BMPR1B: variants seen among roughly 807,000 people sequenced by gnomAD.
BMPR1B encodes bone morphogenetic protein receptor type-1B.
Under a neutral mutation model 59.1 loss-of-function variants are expected in BMPR1B, and 12 were observed. The observed-to-expected ratio is 0.20, with a 90% CI of 0.13 to 0.33. BMPR1B has a LOEUF of 0.33. BMPR1B is among the 10% of genes least tolerant of loss of function. BMPR1B has a pLI of 1.00. For synonymous variants in BMPR1B, 237 were observed against 207.3 expected, an observed-to-expected ratio of 1.14 and a Z score of -1.23; for missense variants, 550 against 610.9, an observed-to-expected ratio of 0.90 and a Z score of 1.05.
chr4:94,915,112 A>C (rs1436306725), intron 2 of BMPR1B, among the ~76,000 whole-genome samples: 1 of 152,178 alleles, frequency 6.6e-6, no homozygotes, highest in Non-Finnish European at 1.5e-5. Flanking sequence ...GACAGGTACC[A>C]ATAATAAATG....
intron 3 of BMPR1B, among the ~76,000 whole-genome samples, chr4:95,091,242 CTTTTTCTTTTCTTTCTT>C (rs1375745850): frequency 2.0e-5 from 3 of 151,564 alleles, no homozygotes; most frequent in South Asian, 2.1e-4. Context: ...ATTCTTTTTC[CTTTTTCTTTTCTTTCTT>C]TTTTTCTTTT....
chr4:94,967,830 G>T (rs1345739698), intron 2 of BMPR1B, among the ~76,000 whole-genome samples: 1 of 151,872 alleles, frequency 6.6e-6, no homozygotes, highest in Non-Finnish European at 1.5e-5. Context: ...ACGTGAAAGA[G>T]ATTTTTTTTC....
chr4:94,788,608 G>C (rs1159484191), intron 1 of BMPR1B, among the ~76,000 whole-genome samples: 2 of 152,084 alleles, frequency 1.3e-5, no homozygotes, highest in South Asian at 4.2e-4. Context: ...AGGACCAGCT[G>C]CAAAAGGCAC....
chr4:94,977,805 G>A (rs1001615776), intron 2 of BMPR1B, among the ~76,000 whole-genome samples: 4 of 152,104 alleles, frequency 2.6e-5, no homozygotes, highest in South Asian at 2.1e-4. Context: ...TGTGGTGAGC[G>A]GAGATTGCAC....
intron 2 of BMPR1B, among the ~76,000 whole-genome samples, chr4:94,946,937 T>A (rs900707256): frequency 2.0e-5 from 3 of 151,900 alleles, no homozygotes; most frequent in African/African-American, 7.3e-5. Flanking sequence ...CTGTGGCCCC[T>A]GCTACCCGGG....
At chr4:94,764,330 A>C (rs993270032) in intron 1 of BMPR1B, among the ~76,000 whole-genome samples, 1 of 152,160 alleles carries the variant, frequency 6.6e-6, no homozygotes, top group African/African-American at 2.4e-5. Context: ...TTGTGAGATC[A>C]GTTTGGGCTG....
At chr4:94,847,048 T>G (rs1189421912) in intron 1 of BMPR1B, among the ~76,000 whole-genome samples, 1 of 152,050 alleles carries the variant, frequency 6.6e-6, no homozygotes, top group Non-Finnish European at 1.5e-5. Context: ...TAACTACCCA[T>G]CTGACAAGGA....
chr4:94,809,491 A>G (rs937417154), intron 1 of BMPR1B, among the ~76,000 whole-genome samples: 11 of 152,204 alleles, frequency 7.2e-5, no homozygotes, highest in African/African-American at 2.7e-4. Flanking sequence ...AGATTATATC[A>G]CTTTCAGATA....
At chr4:94,970,588 C>CA in intron 2 of BMPR1B, among the ~76,000 whole-genome samples, 1 of 152,180 alleles carries the variant, frequency 6.6e-6, no homozygotes, top group East Asian at 1.9e-4. Flanking sequence ...ACTGGGATTA[C>CA]AGGCATGAAC....
At chr4:94,948,284 C>G (rs539956675) in intron 2 of BMPR1B, among the ~76,000 whole-genome samples, 56 of 152,250 alleles carry the variant, frequency 3.7e-4, no homozygotes, top group African/African-American at 1.2e-3. Context: ...ACCAGAATCC[C>G]TTTGAGAAGC....
intron 2 of BMPR1B, among the ~76,000 whole-genome samples, chr4:94,957,306 G>A (rs1483417557): frequency 2.3e-5 from 3 of 130,018 alleles, no homozygotes; most frequent in Non-Finnish European, 3.2e-5. Flanking sequence ...GACACACTGT[G>A]TACAGAGAGT....
intron 2 of BMPR1B, among the ~76,000 whole-genome samples, chr4:94,986,764 G>A (rs560241770): frequency 2.0e-3 from 306 of 150,150 alleles, no homozygotes; most frequent in East Asian, 6.0e-3. Flanking sequence ...AAAATGGTCC[G>A]GGCGCAGTGG....
chr4:95,142,237 T>C (rs1327519544), intron 10 of BMPR1B, among the ~76,000 whole-genome samples: 8 of 152,170 alleles, frequency 5.3e-5, no homozygotes, highest in African/African-American at 1.7e-4. Context: ...TCCTCAGCTA[T>C]CTCCAGGATG....
chr4:95,014,139 G>A (rs1299451944), intron 3 of BMPR1B, among the ~76,000 whole-genome samples: 2 of 152,144 alleles, frequency 1.3e-5, no homozygotes, highest in African/African-American at 2.4e-5. Context: ...TTAAAAGAAT[G>A]AATAAATGAT....
intron 2 of BMPR1B, among the ~76,000 whole-genome samples, chr4:94,985,529 G>GTT (rs1553924110): frequency 2.6e-4 from 39 of 148,286 alleles, no homozygotes; most frequent in East Asian, 9.9e-4. Flanking sequence ...GTGTGTGTGT[G>GTT]TGTGTGTGTG....
intron 3 of BMPR1B, among the ~76,000 whole-genome samples, chr4:95,021,273 C>T (rs1304249489): frequency 6.6e-6 from 1 of 152,080 alleles, no homozygotes; most frequent in African/African-American, 2.4e-5. Context: ...CTTACTTGGC[C>T]TAGAAAGAAT....
rs1406901953 is a variant in BMPR1B at position 94,949,314 on chromosome 4, T to TATGGCTGCATAGTATTTCATGTGTA, written c.-112-46726_-112-46725insATGGCTGCATAGTATTTCATGTGTA. On this transcript the variant is annotated intron_variant, in intron 2 of 12. Coordinates refer to ENST00000515059, the MANE Select transcript of BMPR1B (RefSeq NM_001203.3). ...CAAAGGACATGAACTCATTCTTTTTTTTTTTTTTTTTTTGAGACGGAGTCT... is the reference window on the plus strand; with the variant it reads ...CAAAGGACATGAACTCATTCTTTTTTATGGCTGCATAGTATTTCATGTGTATTTTTTTTTTTTTGAGACGGAGTCT... Among the ~76,000 whole-genome samples, 578 of 103,274 alleles carry TATGGCTGCATAGTATTTCATGTGTA rather than the reference T, an allele frequency of 5.6e-3. 43 individuals are homozygous for TATGGCTGCATAGTATTTCATGTGTA. Among genetic ancestry groups the TATGGCTGCATAGTATTTCATGTGTA allele is most frequent in the Middle Eastern group, 0.01 (2 of 196 alleles). The allele number at this position is 103,274 out of a possible 152,430, so 67.8% of individuals were successfully genotyped here. A position where few individuals can be genotyped will look rare whatever the true frequency, so the allele number is the denominator to read the frequency against.
intron 3 of BMPR1B, among the ~76,000 whole-genome samples, chr4:95,097,950 A>G (rs116397207): frequency 0.022 from 3,358 of 152,278 alleles, 52 homozygotes; most frequent in South Asian, 0.039. Flanking sequence ...AGTTGTTTTC[A>G]AGGGTTATCA....
chr4:94,979,596 A>G (rs1246190439), intron 2 of BMPR1B, among the ~76,000 whole-genome samples: 1 of 152,234 alleles, frequency 6.6e-6, no homozygotes, highest in Non-Finnish European at 1.5e-5. Context: ...ATATCCCTTT[A>G]AAGTGAAGAA....
Sources: gnomAD v4.1 joint callset for allele counts (sites outside exome capture counted in the v4.1 genomes callset) on GRCh38, gnomAD v4.1.1 for gene constraint, MANE v1.5 for transcripts, NCBI Gene and HGNC (gene_info 2026-07-23, HGNC 2026-07-21) for gene names.